RPS6KC1: variants seen among roughly 807,000 people sequenced by gnomAD.
RPS6KC1 encodes the protein inactive ribosomal protein S6 kinase delta-1.
In RPS6KC1, 54 loss-of-function variants were observed where a neutral mutation model predicts 103.8. The ratio of observed to expected loss-of-function variants is 0.52; its 90% CI spans 0.42 to 0.65. RPS6KC1 has a LOEUF of 0.65. Ranked by LOEUF, RPS6KC1 falls within the 30% of genes least tolerant of loss-of-function variation. RPS6KC1 has a pLI of 0.00. For synonymous variants in RPS6KC1, 439 were observed against 438.7 expected, an observed-to-expected ratio of 1.00 and a Z score of -0.01; for missense variants, 1,151 against 1,253.8, an observed-to-expected ratio of 0.92 and a Z score of 1.24.
intron 6 of RPS6KC1, among the ~76,000 whole-genome samples, chr1:213,163,450 A>G (rs1340391042): frequency 6.6e-6 from 1 of 152,226 alleles, no homozygotes; most frequent in Non-Finnish European, 1.5e-5. Context: ...AAATACTCTT[A>G]ATAGCCCCTT....
chr1:213,599,918 A>G, the RPS6KC1 span, among the ~76,000 whole-genome samples: 171 of 152,248 alleles, frequency 1.1e-3, no homozygotes, highest in South Asian at 5.8e-3. Context: ...TGTGTCCCCA[A>G]TCAAATCTCA....
At chr1:213,474,386 T>C in the RPS6KC1 span, among the ~76,000 whole-genome samples, 2 of 152,300 alleles carry the variant, frequency 1.3e-5, no homozygotes, top group East Asian at 1.9e-4. Flanking sequence ...TGTTTGATTA[T>C]AGGAGTGGAG....
At chr1:213,065,813 G>A (rs969230427) in intron 1 of RPS6KC1, among the ~76,000 whole-genome samples, 7 of 152,150 alleles carry the variant, frequency 4.6e-5, no homozygotes, top group African/African-American at 1.2e-4. Flanking sequence ...ACCTAATGGC[G>A]ATGGAATTTT....
the RPS6KC1 span, among the ~76,000 whole-genome samples, chr1:213,520,922 C>A: frequency 6.6e-6 from 1 of 152,182 alleles, no homozygotes; most frequent in Non-Finnish European, 1.5e-5. Context: ...ACATAAAAGT[C>A]CTGCCTCTCC....
chr1:213,169,452 C>G (rs1024201604), intron 7 of RPS6KC1, among the ~76,000 whole-genome samples: 1 of 152,114 alleles, frequency 6.6e-6, no homozygotes, highest in East Asian at 1.9e-4. Context: ...TGAATTACTG[C>G]GACTCTTTTA....
At chr1:213,773,457 A>T in the RPS6KC1 span, among the ~76,000 whole-genome samples, 2 of 148,546 alleles carry the variant, frequency 1.3e-5, no homozygotes, top group Admixed American at 1.4e-4. Flanking sequence ...TACATTATAC[A>T]TATAATCTAT....
intron 4 of RPS6KC1, among the ~76,000 whole-genome samples, chr1:213,105,670 T>C (rs1222256454): frequency 1.3e-5 from 2 of 152,242 alleles, no homozygotes; most frequent in South Asian, 4.1e-4. Context: ...TTTCTGATGA[T>C]TGACCGTGTT....
intron 6 of RPS6KC1, among the ~76,000 whole-genome samples, chr1:213,153,203 TGAGAGGGAGACCGTGGAAAGAGAGG>T (rs1285601733): frequency 6.0e-5 from 9 of 150,154 alleles, no homozygotes; most frequent in Admixed American, 2.0e-4. Context: ...CGGCTCAGCA[TGAGAGGGAGACCGTGGAAAGAGAGG>T]GAGAGGGAGA....
At chr1:213,136,668 A>C (rs1368786426) in intron 6 of RPS6KC1, among the ~76,000 whole-genome samples, 2 of 151,958 alleles carry the variant, frequency 1.3e-5, no homozygotes, top group African/African-American at 2.4e-5. Context: ...ACGGAAGTAT[A>C]TTATATATAC....
chr1:213,647,321 C>T, the RPS6KC1 span, among the ~76,000 whole-genome samples: 1 of 152,102 alleles, frequency 6.6e-6, no homozygotes, highest in Non-Finnish European at 1.5e-5. Flanking sequence ...AGCCAAATAC[C>T]AATAGTGGCT....
chr1:213,455,263 C>T, the RPS6KC1 span, among the ~76,000 whole-genome samples: 23 of 152,094 alleles, frequency 1.5e-4, no homozygotes, highest in Admixed American at 6.5e-5. Flanking sequence ...TGAGGAATGG[C>T]GGTGGATCGT....
the RPS6KC1 span, among the ~76,000 whole-genome samples, chr1:213,518,230 C>T: frequency 1.3e-5 from 2 of 152,198 alleles, no homozygotes; most frequent in East Asian, 3.9e-4. Flanking sequence ...TCCTTGTTCC[C>T]CAGAACGTGT....
At chr1:213,135,014 G>T (rs757324559) in intron 6 of RPS6KC1, among the ~76,000 whole-genome samples, 3 of 152,062 alleles carry the variant, frequency 2.0e-5, no homozygotes, top group Non-Finnish European at 4.4e-5. Flanking sequence ...ATATCTCAGG[G>T]GGAAAGATTT....
the RPS6KC1 span, chr1:213,835,853 A>G: frequency 2.6e-5 from 4 of 152,160 alleles, no homozygotes; most frequent in African/African-American, 9.7e-5. Flanking sequence ...TTTAACTCAC[A>G]TCACGGCTCC....
the RPS6KC1 span, among the ~76,000 whole-genome samples, chr1:213,824,269 G>T: frequency 6.6e-6 from 1 of 152,172 alleles, no homozygotes; most frequent in South Asian, 2.1e-4. Flanking sequence ...ACTCAGAGCT[G>T]GCCCTGTTTC....
chr1:213,487,290 G>T, the RPS6KC1 span, among the ~76,000 whole-genome samples: 1 of 152,276 alleles, frequency 6.6e-6, no homozygotes. Flanking sequence ...CAGCTACCTG[G>T]GGGGCTGAGG....
chr1:213,529,139 A>G, the RPS6KC1 span, among the ~76,000 whole-genome samples: 1 of 152,108 alleles, frequency 6.6e-6, no homozygotes, highest in Non-Finnish European at 1.5e-5. Flanking sequence ...AAGAGTATAA[A>G]GTTACAACTG....
At chr1:213,288,382 G>A in the RPS6KC1 span, among the ~76,000 whole-genome samples, 4 of 152,162 alleles carry the variant, frequency 2.6e-5, no homozygotes, top group East Asian at 7.7e-4. Context: ...AACTCACATG[G>A]AGCACTTTCC....
rs2094361759 is a variant in RPS6KC1, at chr1:213,241,839, A to C, written c.2363A>C (p.Asp788Ala). 6.2e-7 allele frequency: 1 copy of C among 1,613,972 alleles called. No homozygotes were observed. Among genetic ancestry groups the C allele is most frequent in the Non-Finnish European group, 8.5e-7 (1 of 1,179,928 alleles). The change falls in exon 11 of 15, where the codon GAT (aspartate) becomes GCT (alanine). Residue 788 changes from aspartate (D) to alanine (A), a missense_variant. This residue lies in a region of RPS6KC1 where 959 missense variants were observed against 1,006.3 expected (regional missense o/e 0.95). Transcript: ENST00000366960. ...VAAVDHSSSGDMSLLPSSDPK... is the reference protein window; with the variant it reads ...VAAVDHSSSGAMSLLPSSDPK... ...GCTGTTGATCATAGTAGTTCAGGAG[A>C]TATGTCTTTGTTACCCAGCTCAGAT...
Sources: allele counts gnomAD v4.1 joint callset (sites outside exome capture counted in the v4.1 genomes callset), GRCh38; gene constraint gnomAD v4.1.1; regional missense constraint gnomAD v4.1.1; transcripts MANE v1.5; gene names NCBI Gene and HGNC (gene_info 2026-07-23, HGNC 2026-07-21).